KIAA0319: variants seen among roughly 807,000 people sequenced by gnomAD.
KIAA0319 encodes KIAA0319.
KIAA0319 carries 83 observed loss-of-function variants against 108.4 expected under a neutral mutation model. The ratio of observed to expected loss-of-function variants is 0.77; its 90% CI spans 0.64 to 0.92. KIAA0319 has a LOEUF of 0.92. Among genes scored for constraint, KIAA0319 ranks in the 40% least tolerant of loss-of-function variants. The probability of loss-of-function intolerance (pLI) is 0.00; values close to 1 mark genes in which losing one functional copy is unlikely to be tolerated. For missense variants in KIAA0319, 1,195 were observed against 1,322.4 expected, an observed-to-expected ratio of 0.90 and a Z score of 1.49; for synonymous variants, 484 against 510.4, an observed-to-expected ratio of 0.95 and a Z score of 0.70.
chr6:24,584,011 G>A (rs1325512123), intron 4 of KIAA0319, among the ~76,000 whole-genome samples: 1 of 152,228 alleles, frequency 6.6e-6, no homozygotes, highest in African/African-American at 2.4e-5. Context: ...ACTGTGAATT[G>A]GGTCCATTTT....
chr6:24,594,198 C>CAAAAAA (rs761107947), intron 3 of KIAA0319, among the ~76,000 whole-genome samples: 3 of 54,410 alleles, frequency 5.5e-5, no homozygotes, highest in Non-Finnish European at 6.2e-5. Flanking sequence ...GACTCTGTCT[C>CAAAAAA]AAAAAAAAAA....
intron 4 of KIAA0319, among the ~76,000 whole-genome samples, chr6:24,586,756 A>G (rs530272188): frequency 2.0e-5 from 3 of 151,742 alleles, no homozygotes; most frequent in South Asian, 2.1e-4. Context: ...TTGTTAATCT[A>G]TCTTTTGTTA....
chr6:24,551,429 C>G lies in KIAA0319; in HGVS notation c.3040+5G>C, dbSNP rs1214010199. 3.1e-6 allele frequency: 5 copies of G among 1,594,296 alleles called. No homozygotes were observed. The highest frequency in any genetic ancestry group is 3.4e-6 in the Non-Finnish European group (4 of 1,161,876). Reference sequence around the variant, plus strand: ...GCCAGGCAGTCATTCTGCAGACTGTCTTACCATATTTGGGCCTCAGTTCCA... The same window carrying G: ...GCCAGGCAGTCATTCTGCAGACTGTGTTACCATATTTGGGCCTCAGTTCCA... On this transcript the variant is annotated splice_donor_5th_base_variant and intron_variant, in intron 20 of 20. Coordinates refer to ENST00000378214, the MANE Select transcript of KIAA0319 (RefSeq NM_014809.4).
At position 24,595,864 on chromosome 6, in the gene KIAA0319, C is replaced by A. The variant is rs199990915; in HGVS notation, c.801+9G>T. On this transcript the variant is annotated intron_variant, in intron 3 of 20. Coordinates refer to ENST00000378214, the MANE Select transcript of KIAA0319 (RefSeq NM_014809.4). ...ATCCCACCCCCAAGCACATCCTGAA[C>A]ACACTCACCTCTTTTCCAGAGCTGT... 1.7e-5 allele frequency: 27 copies of A among 1,583,076 alleles called. No homozygotes were observed. In the African/African-American group the frequency reaches 3.1e-4, roughly 18 times the overall value.
At chr6:24,576,946 G>GA (rs544193510) in intron 9 of KIAA0319, among the ~76,000 whole-genome samples, 1 of 151,226 alleles carries the variant, frequency 6.6e-6, no homozygotes, top group Non-Finnish European at 1.5e-5. Flanking sequence ...AAAAAAAAAA[G>GA]AAAAAAAGTA....
At chr6:24,575,699 G>T (rs558224026) in intron 10 of KIAA0319, among the ~76,000 whole-genome samples, 13 of 151,526 alleles carry the variant, frequency 8.6e-5, no homozygotes, top group African/African-American at 3.1e-4. Context: ...GACTGGTGAG[G>T]CAAAATTTGA....
At position 24,623,958 on chromosome 6, in the gene KIAA0319, T is replaced by C. The variant is rs557924473; in HGVS notation, c.-106+21778A>G. Reference sequence around the variant, plus strand: ...TCCATAAAAGTTAAAAACTTTAATATATACAATATAATACATCTTTAAATT... The same window carrying C: ...TCCATAAAAGTTAAAAACTTTAATACATACAATATAATACATCTTTAAATT... On this transcript the variant is annotated intron_variant, in intron 1 of 20. Transcript: ENST00000378214. Among the ~76,000 whole-genome samples, 13 of 151,424 alleles carry C rather than the reference T, an allele frequency of 8.6e-5. No homozygotes were observed. In the South Asian group the frequency reaches 2.7e-3, roughly 32 times the overall value.
In KIAA0319 at chr6:24,609,639, T is replaced by C. The variant is rs558745753; in HGVS notation, c.-105-8431A>G. Among the ~76,000 whole-genome samples, 6 of 151,656 alleles carry C rather than the reference T, an allele frequency of 4.0e-5. 1 individual carries two copies. The highest frequency in any genetic ancestry group is 3.3e-4 in the Admixed American group (5 of 15,242). On this transcript the variant is annotated intron_variant, in intron 1 of 20. Coordinates refer to ENST00000378214, the MANE Select transcript of KIAA0319 (RefSeq NM_014809.4). ...AGAAAAGGTAGGTTATTAAATAAATTGTATTGGAGAAACAGGTAGCAACTG... is the reference window on the plus strand; with the variant it reads ...AGAAAAGGTAGGTTATTAAATAAATCGTATTGGAGAAACAGGTAGCAACTG...
At chr6:24,553,292 TATACAC>T (rs766030554) in intron 19 of KIAA0319, among the ~76,000 whole-genome samples, 9,045 of 94,522 alleles carry the variant, frequency 0.096, 331 homozygotes, top group South Asian at 0.14. Context: ...TATATATATA[TATACAC>T]ACACACACAC....
At chr6:24,547,866 G>C (rs1760848442) in intron 20 of KIAA0319, among the ~76,000 whole-genome samples, 1 of 152,202 alleles carries the variant, frequency 6.6e-6, no homozygotes, top group Non-Finnish European at 1.5e-5. Flanking sequence ...TGTCTAGCTA[G>C]GGGTTTAAGA....
At chr6:24,640,788 G>A (rs1023309297) in intron 1 of KIAA0319, among the ~76,000 whole-genome samples, 1 of 151,808 alleles carries the variant, frequency 6.6e-6, no homozygotes, top group Non-Finnish European at 1.5e-5. Context: ...GAATAGCTGG[G>A]ATGACAGGCA....
chr6:24,573,104 A>G (rs938677009), intron 10 of KIAA0319, among the ~76,000 whole-genome samples: 2 of 152,206 alleles, frequency 1.3e-5, no homozygotes, highest in South Asian at 2.1e-4. Flanking sequence ...CCTGGTTGAC[A>G]GAAAAAAGAA....
At chr6:24,560,732 CCTCT>C (rs1200608036) in intron 16 of KIAA0319, among the ~76,000 whole-genome samples, 1 of 152,178 alleles carries the variant, frequency 6.6e-6, no homozygotes, top group Non-Finnish European at 1.5e-5. Flanking sequence ...TTCCTGTGTG[CCTCT>C]CTCTATGTCT....
At chr6:24,636,083 T>C (rs1776169913) in intron 1 of KIAA0319, among the ~76,000 whole-genome samples, 1 of 152,216 alleles carries the variant, frequency 6.6e-6, no homozygotes, top group African/African-American at 2.4e-5. Context: ...ATGGGGACTT[T>C]GCTTTAACAA....
chr6:24,633,376 A>G (rs917205933), intron 1 of KIAA0319, among the ~76,000 whole-genome samples: 1 of 152,248 alleles, frequency 6.6e-6, no homozygotes, highest in Non-Finnish European at 1.5e-5. Context: ...ATAATTAAAG[A>G]TATGAATAAA....
chr6:24,562,873 T>C (rs1763293730), intron 16 of KIAA0319, among the ~76,000 whole-genome samples: 1 of 151,856 alleles, frequency 6.6e-6, no homozygotes, highest in African/African-American at 2.4e-5. Context: ...ATAAATAGAT[T>C]AAATAAATAA....
At chr6:24,637,535 C>T (rs759444009) in intron 1 of KIAA0319, among the ~76,000 whole-genome samples, 1 of 152,076 alleles carries the variant, frequency 6.6e-6, no homozygotes, top group Non-Finnish European at 1.5e-5. Flanking sequence ...TTTCTAGGAC[C>T]CTCAGTTCTT....
intron 19 of KIAA0319, 99 bp from the exon 20 acceptor site, chr6:24,551,624 T>C: frequency 1.2e-6 from 1 of 814,232 alleles, no homozygotes; most frequent in Non-Finnish European, 2.0e-6. Context: ...ACATTTTGCC[T>C]TTATGATGTG....
intron 1 of KIAA0319, among the ~76,000 whole-genome samples, chr6:24,638,716 C>T (rs1019255815): frequency 1.3e-5 from 2 of 150,762 alleles, no homozygotes; most frequent in African/African-American, 2.4e-5. Context: ...GCTGAGATTG[C>T]GCCACGGCAC....
Sources: gnomAD v4.1 joint callset for allele counts (sites outside exome capture counted in the v4.1 genomes callset) on GRCh38, gnomAD v4.1.1 for gene constraint, MANE v1.5 for transcripts, NCBI Gene and HGNC (gene_info 2026-07-23, HGNC 2026-07-21) for gene names.